PLXNA4: variants seen among roughly 807,000 people sequenced by gnomAD.
PLXNA4 encodes the protein plexin-A4.
PLXNA4 carries 44 observed loss-of-function variants against 191.8 expected under a neutral mutation model. The ratio of observed to expected loss-of-function variants is 0.23; its 90% CI spans 0.18 to 0.29. PLXNA4 has a LOEUF of 0.29. Ranked by LOEUF, PLXNA4 falls within the 10% of genes least tolerant of loss-of-function variation. PLXNA4 has a pLI of 1.00. For missense variants in PLXNA4, 1,800 were observed against 2,488.8 expected, an observed-to-expected ratio of 0.72 and a Z score of 5.89; for synonymous variants, 1,082 against 1,009.5, an observed-to-expected ratio of 1.07 and a Z score of -1.36.
upstream of PLXNA4, among the ~76,000 whole-genome samples, chr7:132,582,118 G>T (rs1286805827): frequency 2.0e-5 from 3 of 152,158 alleles, no homozygotes; most frequent in Non-Finnish European, 2.9e-5. Context: ...AGGTCCCGTA[G>T]TATGCCTGCA....
intron 21 of PLXNA4, among the ~76,000 whole-genome samples, chr7:132,172,192 G>A (rs1407703644): frequency 6.6e-6 from 1 of 152,202 alleles, no homozygotes; most frequent in African/African-American, 2.4e-5. Flanking sequence ...TCACCAGATG[G>A]TTCTCTAATT....
At chr7:132,383,759 T>C in intron 3 of PLXNA4, 1 of 984,882 alleles carries the variant, frequency 1.0e-6, no homozygotes, top group Non-Finnish European at 1.2e-6. Flanking sequence ...AAATTAGAAT[T>C]GATTCTTTAA....
chr7:132,548,056 A>G (rs1330369602), intron 1 of PLXNA4, among the ~76,000 whole-genome samples: 2 of 152,136 alleles, frequency 1.3e-5, no homozygotes, highest in Non-Finnish European at 2.9e-5. Context: ...GAGCCCTTTG[A>G]ATTGGTGGCT....
chr7:132,171,577 G>T (rs376136959), intron 21 of PLXNA4, among the ~76,000 whole-genome samples: 1 of 152,180 alleles, frequency 6.6e-6, no homozygotes, highest in Non-Finnish European at 1.5e-5. Flanking sequence ...AGAGGACATG[G>T]GTTGGCTAGA....
intron 3 of PLXNA4, among the ~76,000 whole-genome samples, chr7:132,333,719 G>A (rs1425074043): frequency 6.6e-6 from 1 of 152,192 alleles, no homozygotes; most frequent in Non-Finnish European, 1.5e-5. Context: ...CTGAGAAAGA[G>A]ACATCATTCC....
At chr7:132,159,008 T>TTC (rs1795873303) in intron 25 of PLXNA4, among the ~76,000 whole-genome samples, 1 of 152,144 alleles carries the variant, frequency 6.6e-6, no homozygotes. Flanking sequence ...CCCAGATCCC[T>TTC]CAAGCTGTAG....
chr7:132,354,724 C>T (rs1201443760), intron 3 of PLXNA4, among the ~76,000 whole-genome samples: 7 of 152,142 alleles, frequency 4.6e-5, no homozygotes, highest in Non-Finnish European at 8.8e-5. Context: ...TCTAGCTCCT[C>T]CCTCCACTTA....
intron 25 of PLXNA4, among the ~76,000 whole-genome samples, chr7:132,155,525 G>GT (rs1562887263): frequency 3.2e-4 from 48 of 152,354 alleles, no homozygotes; most frequent in African/African-American, 1.1e-3. Flanking sequence ...TCTCGTGTTT[G>GT]TTGAAGAGTT....
At chr7:132,163,820 T>C (rs10954363) in intron 24 of PLXNA4, among the ~76,000 whole-genome samples, 87,964 of 152,136 alleles carry the variant, frequency 0.58, 30,064 homozygotes, top group East Asian at 0.81. Context: ...GCGTTGACTC[T>C]AAGCTGGGAG....
At chr7:132,565,052 G>A (rs528006211) in intron 1 of PLXNA4, among the ~76,000 whole-genome samples, 2 of 152,306 alleles carry the variant, frequency 1.3e-5, no homozygotes, top group African/African-American at 2.4e-5. Flanking sequence ...ACACACGGGA[G>A]CCGGCAAGGT....
chr7:132,269,127 C>T (rs1378165073), intron 4 of PLXNA4, among the ~76,000 whole-genome samples: 4 of 152,090 alleles, frequency 2.6e-5, no homozygotes, highest in African/African-American at 2.4e-5. Context: ...TGCAGCTGCC[C>T]CAGTACTTGT....
In PLXNA4 at chr7:132,133,145, T is replaced by C. The variant is rs1394887053; in HGVS notation, c.5493A>G (p.Ala1831=). The C allele has an allele frequency of 1.2e-6, 2 of 1,614,214 alleles. No homozygotes were observed. The highest frequency in any genetic ancestry group is 1.3e-5 in the African/African-American group (1 of 75,062). ...GCATCCGGGACTGCTCAGCCAGGTA[T>C]GCGTTCATGTCTTGGTCGCTGATGG... ...MPAISDQDMN[A]YLAEQSRMHM... Residue 1831 remains alanine, a synonymous_variant, in exon 31 of 32, where the codon GCA becomes GCG. Transcript: ENST00000321063.
chr7:132,525,324 A>C (rs902328633), intron 1 of PLXNA4, among the ~76,000 whole-genome samples: 80 of 152,206 alleles, frequency 5.3e-4, no homozygotes, highest in Non-Finnish European at 8.8e-4. Flanking sequence ...ATCACGGCTC[A>C]CTGCAGCCTC....
At chr7:132,288,705 G>A (rs1800772855) in intron 4 of PLXNA4, among the ~76,000 whole-genome samples, 1 of 152,190 alleles carries the variant, frequency 6.6e-6, no homozygotes, top group Admixed American at 6.5e-5. Context: ...AGAGAGGATG[G>A]CAGAGAGACG....
intron 2 of PLXNA4, among the ~76,000 whole-genome samples, chr7:132,620,954 CCTT>C (rs1457182419): frequency 6.6e-6 from 1 of 152,138 alleles, no homozygotes; most frequent in African/African-American, 2.4e-5. Flanking sequence ...CAGATGGCCT[CCTT>C]CTTGCTGTAT....
chr7:132,145,238 C>A lies in PLXNA4; in HGVS notation c.5106G>T (p.Thr1702=). 1.2e-6 allele frequency: 2 copies of A among 1,614,188 alleles called. No individual in the cohort carries two copies. The highest frequency in any genetic ancestry group is 1.7e-6 in the Non-Finnish European group (2 of 1,180,034). Reference sequence around the variant, plus strand: ...GGGGCAGGGCAGAGCCACGGTGTGCCGTGCTGAAGATGGTCTCAAAGAGGT... The same window carrying A: ...GGGGCAGGGCAGAGCCACGGTGTGCAGTGCTGAAGATGGTCTCAAAGAGGT... ...VDDLFETIFS[T]AHRGSALPLA... is the part of the protein sequence containing the mutation. The change falls in exon 29 of 32, where the codon ACG becomes ACT. Residue 1702 remains threonine, a synonymous_variant. Transcript: ENST00000321063.
intron 2 of PLXNA4, among the ~76,000 whole-genome samples, chr7:132,610,604 C>A (rs905694283): frequency 6.6e-6 from 1 of 152,234 alleles, no homozygotes; most frequent in Non-Finnish European, 1.5e-5. Context: ...AACATTCAGC[C>A]TCTACAATGT....
At chr7:132,352,277 C>G (rs1046378802) in intron 3 of PLXNA4, 6 of 152,550 alleles carry the variant, frequency 3.9e-5, no homozygotes, top group Non-Finnish European at 8.8e-5. Flanking sequence ...GCCCCCCTCT[C>G]GCCTACGTGT....
intron 5 of PLXNA4, among the ~76,000 whole-genome samples, chr7:132,236,064 G>T (rs188615790): frequency 7.2e-5 from 11 of 152,334 alleles, no homozygotes; most frequent in Admixed American, 5.9e-4. Flanking sequence ...TGTGCTACCA[G>T]GTTGGCAGGC....
Sources: gnomAD v4.1 joint callset for allele counts (sites outside exome capture counted in the v4.1 genomes callset) on GRCh38, gnomAD v4.1.1 for gene constraint, MANE v1.5 for transcripts, NCBI Gene and HGNC (gene_info 2026-07-23, HGNC 2026-07-21) for gene names.